Variants in ARHGAP10 observed in about 807,000 individuals in gnomAD.
ARHGAP10 encodes the protein rho GTPase-activating protein 10.
Under a neutral mutation model 108.6 loss-of-function variants are expected in ARHGAP10, and 87 were observed. The observed-to-expected ratio is 0.80, with a 90% CI of 0.67 to 0.96. The LOEUF (loss-of-function observed/expected upper bound fraction) is 0.96. Ranked by LOEUF, ARHGAP10 falls within the 40% of genes least tolerant of loss-of-function variation. The probability of loss-of-function intolerance (pLI) is 0.00; values close to 1 mark genes in which losing one functional copy is unlikely to be tolerated. For synonymous variants in ARHGAP10, 347 were observed against 341.1 expected (o/e 1.02, Z -0.19); for missense variants, 939 against 954.5 (o/e 0.98, Z 0.21).
At chr4:147,766,503 C>A (rs1030105727) in intron 1 of ARHGAP10, among the ~76,000 whole-genome samples, 2 of 151,298 alleles carry the variant, frequency 1.3e-5, no homozygotes, top group African/African-American at 4.9e-5. Flanking sequence ...TCAGTTGAAT[C>A]CATGGATGCA....
intron 19 of ARHGAP10, among the ~76,000 whole-genome samples, chr4:148,026,382 A>G (rs1727841849): frequency 6.6e-6 from 1 of 152,154 alleles, no homozygotes; most frequent in Non-Finnish European, 1.5e-5. Context: ...CTGCTGGGAG[A>G]CATGTTTTCT....
chr4:147,766,561 T>A (rs528996053), intron 1 of ARHGAP10, among the ~76,000 whole-genome samples: 2 of 149,222 alleles, frequency 1.3e-5, no homozygotes, highest in African/African-American at 4.9e-5. Context: ...TGTGGGTGTG[T>A]GTGGGTGTGT....
intron 1 of ARHGAP10, among the ~76,000 whole-genome samples, chr4:147,757,058 C>T (rs920046917): frequency 6.6e-6 from 1 of 151,688 alleles, no homozygotes; most frequent in African/African-American, 2.4e-5. Flanking sequence ...CCAGAGGGAA[C>T]CTGGGCTATA....
chr4:147,774,181 C>T (rs1275561759), intron 1 of ARHGAP10, among the ~76,000 whole-genome samples: 1 of 152,208 alleles, frequency 6.6e-6, no homozygotes, highest in Non-Finnish European at 1.5e-5. Context: ...AATGTTGACT[C>T]TTATTATCTT....
At chr4:147,784,761 GTATATTATA>G (rs1421811476) in intron 1 of ARHGAP10, among the ~76,000 whole-genome samples, 38,780 of 54,186 alleles carry the variant, frequency 0.72, 17,856 homozygotes, top group East Asian at 0.87. Flanking sequence ...ATTATAAAAT[GTATATTATA>G]AATATAATAT....
intron 1 of ARHGAP10, among the ~76,000 whole-genome samples, chr4:147,754,862 G>A (rs1729304333): frequency 6.6e-6 from 1 of 152,168 alleles, no homozygotes; most frequent in South Asian, 2.1e-4. Flanking sequence ...GGGAGGTGGA[G>A]GCGGCTGGAT....
At chr4:148,063,037 C>T in intron 20 of ARHGAP10, 111 bp from the exon 21 acceptor site, 1 of 1,336,780 alleles carries the variant, frequency 7.5e-7, no homozygotes, top group Non-Finnish European at 1.0e-6. Flanking sequence ...CCCTACTGGT[C>T]AGGCATGATA....
At chr4:147,753,685 G>A (rs1421023882) in intron 1 of ARHGAP10, among the ~76,000 whole-genome samples, 1 of 152,084 alleles carries the variant, frequency 6.6e-6, no homozygotes, top group Non-Finnish European at 1.5e-5. Context: ...TGTTTGCAGT[G>A]AACAAGTAAT....
At chr4:147,793,202 A>G (rs373591713) in intron 1 of ARHGAP10, among the ~76,000 whole-genome samples, 8 of 151,558 alleles carry the variant, frequency 5.3e-5, no homozygotes, top group South Asian at 2.1e-4. Flanking sequence ...GTGTGTGTGT[A>G]TATGTGTGTA....
At chr4:147,769,274 T>C (rs1390964288) in intron 1 of ARHGAP10, among the ~76,000 whole-genome samples, 1 of 152,004 alleles carries the variant, frequency 6.6e-6, no homozygotes, top group Non-Finnish European at 1.5e-5. Context: ...TTACCACCAA[T>C]GAAGGTAATT....
intron 15 of ARHGAP10, among the ~76,000 whole-genome samples, chr4:147,948,833 G>A (rs943642041): frequency 6.6e-6 from 1 of 151,814 alleles, no homozygotes; most frequent in Admixed American, 6.6e-5. Flanking sequence ...CGGCATGGTG[G>A]TGGGCGCCTG....
At chr4:147,822,646 A>T in intron 1 of ARHGAP10, 81 bp from the exon 2 acceptor site, 1 of 1,405,454 alleles carries the variant, frequency 7.1e-7, no homozygotes, top group Non-Finnish European at 1.0e-6. Flanking sequence ...CTACAGCTTT[A>T]CCAATTTTAG....
chr4:147,732,124 C>G lies in ARHGAP10; in HGVS notation c.-178C>G. On this transcript the variant is annotated 5_prime_UTR_variant, in exon 1 of 23. Coordinates refer to ENST00000336498, the MANE Select transcript of ARHGAP10 (RefSeq NM_024605.4). ...GCTAGCGCTGGTCTCGGTGGCAGCT[C>G]CTCCGCGCCGCAGGACTCGGCTCTA... 4.6e-6 allele frequency: 2 copies of G among 438,704 alleles called. No homozygotes were observed. Among genetic ancestry groups the G allele is most frequent in the Non-Finnish European group, 3.6e-6 (1 of 276,770 alleles). The allele number at this position is 438,704 out of a possible 1,614,324, so 27.2% of individuals were successfully genotyped here. A position where few individuals can be genotyped will look rare whatever the true frequency, so the allele number is the denominator to read the frequency against.
At chr4:147,891,315 T>C (rs1365361311) in intron 10 of ARHGAP10, among the ~76,000 whole-genome samples, 1 of 152,188 alleles carries the variant, frequency 6.6e-6, no homozygotes, top group African/African-American at 2.4e-5. Flanking sequence ...GAATGACACT[T>C]GAGAACATAA....
At chr4:147,939,925 C>T (rs750844954) in intron 14 of ARHGAP10, 26 bp downstream of exon 14, 20 of 1,584,158 alleles carry the variant, frequency 1.3e-5, no homozygotes, top group Non-Finnish European at 1.7e-5. Flanking sequence ...AATCATTTTT[C>T]CATGTGTTAT....
chr4:148,061,955 T>C (rs906731975), intron 20 of ARHGAP10, among the ~76,000 whole-genome samples: 2 of 151,628 alleles, frequency 1.3e-5, no homozygotes, highest in African/African-American at 2.4e-5. Flanking sequence ...AGGGGGAGTA[T>C]TGGGGGAGGT....
At chr4:147,983,482 G>C (rs938378974) in intron 18 of ARHGAP10, among the ~76,000 whole-genome samples, 3 of 151,468 alleles carry the variant, frequency 2.0e-5, no homozygotes, top group African/African-American at 7.3e-5. Context: ...ACTGCACTCG[G>C]CCTGTTCATT....
chr4:148,050,310 CTG>C (rs1328127097), intron 20 of ARHGAP10, among the ~76,000 whole-genome samples: 2 of 144,310 alleles, frequency 1.4e-5, no homozygotes, highest in East Asian at 2.0e-4. Flanking sequence ...ATTTCTTTCT[CTG>C]TGTTACTGAA....
At chr4:147,978,122 C>T (rs1346770497) in intron 18 of ARHGAP10, among the ~76,000 whole-genome samples, 1 of 152,166 alleles carries the variant, frequency 6.6e-6, no homozygotes, top group Admixed American at 6.5e-5. Context: ...CTGCGATTAA[C>T]ATACAAGTAC....
Sources: allele counts gnomAD v4.1 joint callset (sites outside exome capture counted in the v4.1 genomes callset), GRCh38; gene constraint gnomAD v4.1.1; transcripts MANE v1.5; gene names NCBI Gene and HGNC (gene_info 2026-07-23, HGNC 2026-07-21).